The following ULK4 variants were observed in gnomAD, a reference collection of about 807,000 sequenced individuals.
ULK4 encodes inactive serine/threonine-protein kinase ULK4.
ULK4 carries 133 observed loss-of-function variants against 160.6 expected under a neutral mutation model. That is an observed-to-expected ratio of 0.83 (90% CI 0.72 to 0.96). ULK4 has a LOEUF of 0.96. Ranked by LOEUF, ULK4 falls within the 40% of genes least tolerant of loss-of-function variation. ULK4 has a pLI of 0.00. For missense variants in ULK4, 1,580 were observed against 1,499.5 expected (o/e 1.05, Z -0.89); for synonymous variants, 534 against 539.8 (o/e 0.99, Z 0.15).
intron 27 of ULK4, among the ~76,000 whole-genome samples, chr3:41,689,115 C>T (rs893735257): frequency 1.3e-5 from 2 of 152,192 alleles, no homozygotes; most frequent in African/African-American, 2.4e-5. Context: ...CAAATAGCCT[C>T]CAATCAGGGC....
intron 5 of ULK4, among the ~76,000 whole-genome samples, chr3:41,927,643 G>A (rs1488319362): frequency 7.2e-6 from 1 of 139,374 alleles, no homozygotes; most frequent in African/African-American, 2.6e-5. Flanking sequence ...AAAATACAGG[G>A]ATGGAGGAAT....
chr3:41,335,781 C>T (rs1474940378), intron 35 of ULK4, among the ~76,000 whole-genome samples: 1 of 152,086 alleles, frequency 6.6e-6, no homozygotes. Context: ...AAATTCTCAT[C>T]TCAAATTATT....
At chr3:41,724,653 G>T (rs946773645) in intron 22 of ULK4, among the ~76,000 whole-genome samples, 4 of 152,092 alleles carry the variant, frequency 2.6e-5, no homozygotes, top group African/African-American at 9.7e-5. Context: ...AACCCGGGAG[G>T]CAGAGCTTGC....
At chr3:41,720,087 C>T (rs140951509) in intron 22 of ULK4, among the ~76,000 whole-genome samples, 2 of 152,114 alleles carry the variant, frequency 1.3e-5, no homozygotes, top group African/African-American at 4.8e-5. Flanking sequence ...ATGGTACTGT[C>T]TCATAGCATG....
chr3:41,839,844 A>C (rs191504078), intron 17 of ULK4, among the ~76,000 whole-genome samples: 38 of 152,296 alleles, frequency 2.5e-4, no homozygotes, highest in African/African-American at 9.1e-4. Flanking sequence ...CCCCCAAAAA[A>C]ACAATACTCA....
intron 17 of ULK4, among the ~76,000 whole-genome samples, chr3:41,856,577 GTA>G (rs1187428045): frequency 1.7e-5 from 1 of 58,308 alleles, no homozygotes; most frequent in Non-Finnish European, 2.9e-5. Context: ...ATATATATGT[GTA>G]TATATATACA....
chr3:41,437,636 C>A (rs1277831099), intron 34 of ULK4, among the ~76,000 whole-genome samples: 1 of 152,142 alleles, frequency 6.6e-6, no homozygotes, highest in Non-Finnish European at 1.5e-5. Context: ...CCCTGCTCCA[C>A]CTCATGAACA....
At chr3:41,951,646 T>C (rs562622153) in intron 2 of ULK4, among the ~76,000 whole-genome samples, 1 of 152,294 alleles carries the variant, frequency 6.6e-6, no homozygotes, top group South Asian at 2.1e-4. Context: ...TATCCACATG[T>C]AAAAGAGAGA....
chr3:41,761,312 T>C (rs541919701), intron 21 of ULK4, among the ~76,000 whole-genome samples: 1 of 128,636 alleles, frequency 7.8e-6, no homozygotes, highest in Non-Finnish European at 1.5e-5. Flanking sequence ...ATAAAATACA[T>C]TATATACTAT....
chr3:41,552,211 T>C (rs1377881527), intron 32 of ULK4, among the ~76,000 whole-genome samples: 1 of 152,038 alleles, frequency 6.6e-6, no homozygotes, highest in African/African-American at 2.4e-5. Context: ...AAGATAAGGA[T>C]GCCCACTTTC....
chr3:41,796,124 T>C (rs925506483), intron 20 of ULK4, among the ~76,000 whole-genome samples: 1 of 150,758 alleles, frequency 6.6e-6, no homozygotes, highest in Non-Finnish European at 1.5e-5. Flanking sequence ...GGAAGCAGAG[T>C]GGTAGCAGCA....
In ULK4 at chr3:41,317,061, C is replaced by CTTTT. The variant is rs1170201981; in HGVS notation, c.3679-67488_3679-67487insAAAA. ...TTTGATGTAAAATAGGCAATTACAT[C>CTTTT]TATTTTTTTTTTTTTTTTTTTTTTT... On this transcript the variant is annotated intron_variant, in intron 35 of 36. Transcript: ENST00000301831. 3.8e-3 allele frequency among the ~76,000 whole-genome samples: 350 copies of CTTTT among 92,072 alleles called. 11 individuals are homozygous for CTTTT. Among genetic ancestry groups the CTTTT allele is most frequent in the African/African-American group, 0.016 (332 of 20,684 alleles). The allele number at this position is 92,072 out of a possible 152,430, so 60.4% of individuals were successfully genotyped here.
chr3:41,544,293 A>G (rs1250426873), intron 32 of ULK4, among the ~76,000 whole-genome samples: 1 of 152,242 alleles, frequency 6.6e-6, no homozygotes, highest in African/African-American at 2.4e-5. Flanking sequence ...CATTTAGCTC[A>G]GTGGCCAGCT....
chr3:41,629,533 A>C (rs2033664569), intron 30 of ULK4, among the ~76,000 whole-genome samples: 1 of 152,200 alleles, frequency 6.6e-6, no homozygotes, highest in Non-Finnish European at 1.5e-5. Flanking sequence ...CAAGTTATGA[A>C]GGCAGTCCAG....
chr3:41,504,801 A>G (rs2085324136), intron 32 of ULK4, among the ~76,000 whole-genome samples: 1 of 152,218 alleles, frequency 6.6e-6, no homozygotes, highest in Non-Finnish European at 1.5e-5. Context: ...TCATTTGCAG[A>G]TAGATCATTT....
At chr3:41,379,123 G>A (rs900543951) in intron 35 of ULK4, among the ~76,000 whole-genome samples, 4 of 151,784 alleles carry the variant, frequency 2.6e-5, no homozygotes, top group Non-Finnish European at 4.4e-5. Flanking sequence ...GTTGATGGGT[G>A]CAGCAAACCA....
At chr3:41,293,980 A>C (rs562244582) in intron 35 of ULK4, among the ~76,000 whole-genome samples, 1 of 152,214 alleles carries the variant, frequency 6.6e-6, no homozygotes, top group Non-Finnish European at 1.5e-5. Flanking sequence ...AAGGTGTGGA[A>C]CAGTGTGTGA....
At chr3:41,733,926 G>A (rs980259717) in intron 22 of ULK4, among the ~76,000 whole-genome samples, 12 of 151,680 alleles carry the variant, frequency 7.9e-5, no homozygotes, top group Non-Finnish European at 1.8e-4. Flanking sequence ...TAGTTGAGAC[G>A]GGGTTTCACC....
At chr3:41,774,632 A>C (rs1306834983) in intron 21 of ULK4, among the ~76,000 whole-genome samples, 4 of 149,940 alleles carry the variant, frequency 2.7e-5, no homozygotes, top group Non-Finnish European at 4.4e-5. Context: ...GTGGGACTGT[A>C]AACTAGTTCA....
Sources: allele counts gnomAD v4.1 joint callset (sites outside exome capture counted in the v4.1 genomes callset), GRCh38; gene constraint gnomAD v4.1.1; transcripts MANE v1.5; gene names NCBI Gene and HGNC (gene_info 2026-07-23, HGNC 2026-07-21).